Variants in PSD3 observed in about 807,000 individuals in gnomAD.
The protein encoded by PSD3 is PH and SEC7 domain-containing protein 3.
A neutral mutation model predicts 105.5 loss-of-function variants in PSD3; 49 were observed. That is an observed-to-expected ratio of 0.46 (90% CI 0.37 to 0.59). PSD3 has a LOEUF of 0.59. Among genes scored for constraint, PSD3 ranks in the 20% least tolerant of loss-of-function variants. The probability of loss-of-function intolerance (pLI) is 0.00; values close to 1 mark genes in which losing one functional copy is unlikely to be tolerated. For synonymous variants in PSD3, 557 were observed against 457.8 expected (o/e 1.22, Z -2.77); for missense variants, 1,561 against 1,263.8 (o/e 1.24, Z -3.57).
chr8:18,970,715 G>A (rs1473297240), intron 1 of PSD3, among the ~76,000 whole-genome samples: 1 of 152,136 alleles, frequency 6.6e-6, no homozygotes, highest in Non-Finnish European at 1.5e-5. Flanking sequence ...AGCACTTTGG[G>A]AGGTGAAGGT....
chr8:18,788,499 G>A (rs1306933264), intron 8 of PSD3, among the ~76,000 whole-genome samples: 1 of 152,096 alleles, frequency 6.6e-6, no homozygotes, highest in Non-Finnish European at 1.5e-5. Flanking sequence ...CTGCGAATAG[G>A]GCAGCTGTGT....
intron 1 of PSD3, among the ~76,000 whole-genome samples, chr8:19,051,999 A>G (rs1314334003): frequency 6.6e-6 from 1 of 152,206 alleles, no homozygotes. Flanking sequence ...GATCAAAGTG[A>G]TGGAGAATGA....
intron 1 of PSD3, among the ~76,000 whole-genome samples, chr8:18,994,443 T>C (rs1825959319): frequency 6.6e-6 from 1 of 152,032 alleles, no homozygotes; most frequent in South Asian, 2.1e-4. Flanking sequence ...TAACAGAGAA[T>C]TATGAGATAA....
At chr8:18,738,722 G>C (rs2129433795) in intron 9 of PSD3, among the ~76,000 whole-genome samples, 1 of 152,056 alleles carries the variant, frequency 6.6e-6, no homozygotes, top group East Asian at 1.9e-4. Context: ...GATATAAACA[G>C]CATACACATT....
chr8:18,550,608 TA>T (rs147658191), intron 15 of PSD3, among the ~76,000 whole-genome samples: 3,579 of 152,276 alleles, frequency 0.024, 66 homozygotes, highest in East Asian at 0.085. Flanking sequence ...TCAGAACATT[TA>T]ATATTAACTT....
intron 11 of PSD3, among the ~76,000 whole-genome samples, chr8:18,630,001 C>A (rs1410154893): frequency 1.3e-5 from 2 of 151,796 alleles, no homozygotes; most frequent in Non-Finnish European, 2.9e-5. Context: ...CCACGCTCCT[C>A]CTGATAGCCC....
chr8:18,713,068 T>C (rs1039019890), intron 9 of PSD3, among the ~76,000 whole-genome samples: 4 of 152,180 alleles, frequency 2.6e-5, no homozygotes, highest in Non-Finnish European at 4.4e-5. Context: ...AAAAAGACCT[T>C]TGATAAAATT....
At chr8:18,637,475 T>G (rs1400791927) in intron 10 of PSD3, among the ~76,000 whole-genome samples, 1 of 152,172 alleles carries the variant, frequency 6.6e-6, no homozygotes, top group Non-Finnish European at 1.5e-5. Flanking sequence ...TTTGGCCAAC[T>G]CCTCTCTCCC....
intron 10 of PSD3, among the ~76,000 whole-genome samples, chr8:18,641,685 C>T (rs969020494): frequency 6.6e-6 from 1 of 152,064 alleles, no homozygotes; most frequent in Non-Finnish European, 1.5e-5. Context: ...AAAAATTACA[C>T]CTCAATAAAG....
At chr8:19,083,643 C>T (rs1386140123) in intron 1 of PSD3, among the ~76,000 whole-genome samples, 2 of 151,562 alleles carry the variant, frequency 1.3e-5, no homozygotes, top group Non-Finnish European at 2.9e-5. Context: ...CAAGGCTGTG[C>T]TCCGGTTCTG....
At chr8:18,969,221 C>T (rs981841922) in intron 1 of PSD3, among the ~76,000 whole-genome samples, 4 of 152,158 alleles carry the variant, frequency 2.6e-5, no homozygotes, top group Admixed American at 1.3e-4. Context: ...AAGTGCGAAG[C>T]AGTCACATCA....
In PSD3 at chr8:18,843,915, ATTTT is replaced by A. The variant is rs10578700; in HGVS notation, c.1634+23755_1634+23758del. On this transcript the variant is annotated intron_variant, in intron 4 of 15. Transcript: ENST00000327040. Reference sequence around the variant, plus strand: ...CTATAACCACTTTATAAGATAGACTATTTTTTTTTTTTTTTTTTTACCCAAGGCA... The same window carrying A: ...CTATAACCACTTTATAAGATAGACTATTTTTTTTTTTTTTTACCCAAGGCA... Among the ~76,000 whole-genome samples, 797 of 141,648 alleles carry A rather than the reference ATTTT, an allele frequency of 5.6e-3. 3 individuals are homozygous for A. Among genetic ancestry groups the A allele is most frequent in the South Asian group, 0.027 (117 of 4,318 alleles). 92.9% of individuals were successfully genotyped at this position (141,648 alleles called of 152,430 possible). A position where few individuals can be genotyped will look rare whatever the true frequency, so the allele number is the denominator to read the frequency against.
chr8:18,584,144 G>C (rs1168403499), intron 12 of PSD3, among the ~76,000 whole-genome samples: 1 of 152,188 alleles, frequency 6.6e-6, no homozygotes, highest in Non-Finnish European at 1.5e-5. Flanking sequence ...TCAACTAATA[G>C]AAGATACGAG....
intron 9 of PSD3, among the ~76,000 whole-genome samples, chr8:18,748,460 A>G: frequency 6.6e-6 from 1 of 152,016 alleles, no homozygotes; most frequent in East Asian, 1.9e-4. Flanking sequence ...GGAGATCGAG[A>G]CTATCCTGGC....
At chr8:18,562,121 C>G (rs1398883819) in intron 14 of PSD3, among the ~76,000 whole-genome samples, 2 of 152,136 alleles carry the variant, frequency 1.3e-5, no homozygotes, top group Non-Finnish European at 2.9e-5. Context: ...ATTTATCCAT[C>G]CGCGAACCTC....
chr8:18,915,233 A>G (rs368810888), intron 2 of PSD3, among the ~76,000 whole-genome samples: 1 of 152,186 alleles, frequency 6.6e-6, no homozygotes, highest in South Asian at 2.1e-4. Context: ...CAAAACTACA[A>G]AACTACTAGA....
At chr8:18,617,453 C>G (rs1805780257) in intron 11 of PSD3, among the ~76,000 whole-genome samples, 1 of 152,120 alleles carries the variant, frequency 6.6e-6, no homozygotes, top group Non-Finnish European at 1.5e-5. Context: ...ATCGCTTGAA[C>G]TTGGGAGGCG....
intron 4 of PSD3, among the ~76,000 whole-genome samples, chr8:18,820,861 C>G (rs1400349471): frequency 2.2e-5 from 1 of 45,202 alleles, no homozygotes; most frequent in Non-Finnish European, 5.0e-5. Context: ...ACAGGCAATC[C>G]TCCCTCTTCA....
intron 9 of PSD3, among the ~76,000 whole-genome samples, chr8:18,753,387 T>G (rs1473469241): frequency 6.6e-6 from 1 of 150,676 alleles, no homozygotes. Flanking sequence ...AAGAAAAGAA[T>G]GTGTGAACTC....
Sources: allele counts gnomAD v4.1 joint callset (sites outside exome capture counted in the v4.1 genomes callset), GRCh38; gene constraint gnomAD v4.1.1; transcripts MANE v1.5; gene names NCBI Gene and HGNC (gene_info 2026-07-23, HGNC 2026-07-21).